RBMS3: variants seen among roughly 807,000 people sequenced by gnomAD.
RBMS3 encodes the protein RNA-binding motif, single-stranded-interacting protein 3.
A neutral mutation model predicts 66.8 loss-of-function variants in RBMS3; 27 were observed. The observed-to-expected ratio is 0.40, with a 90% confidence interval of 0.30 to 0.56. RBMS3 has a LOEUF of 0.56. Ranked by LOEUF, RBMS3 falls within the 20% of genes least tolerant of loss-of-function variation. The pLI is 0.40. For synonymous variants in RBMS3, 188 were observed against 183.0 expected, an observed-to-expected ratio of 1.03 and a Z score of -0.22; for missense variants, 513 against 549.5, an observed-to-expected ratio of 0.93 and a Z score of 0.66.
intron 4 of RBMS3, among the ~76,000 whole-genome samples, chr3:29,690,084 A>G (rs1439671128): frequency 6.6e-6 from 1 of 151,840 alleles, no homozygotes; most frequent in Admixed American, 6.6e-5. Flanking sequence ...TATTAATCAC[A>G]TATCTCACAA....
intron 1 of RBMS3, among the ~76,000 whole-genome samples, chr3:29,346,089 C>T (rs1012653492): frequency 3.9e-5 from 6 of 152,190 alleles, no homozygotes; most frequent in African/African-American, 9.7e-5. Flanking sequence ...CGTGCAGCCA[C>T]GTTCAAGAAA....
chr3:29,656,799 C>A lies in RBMS3; in HGVS notation c.399+69594C>A, dbSNP rs892850275. Among the ~76,000 whole-genome samples the A allele has an allele frequency of 1.5e-4, 23 of 152,170 alleles. 1 individual carries two copies. The highest frequency in any genetic ancestry group is 2.6e-4 in the Non-Finnish European group (18 of 68,036). ...TCTTTTTAATCACTGGACTCTCCCT[C>A]TCTCTCGTACATTAGTTAGGGTAGA... is the stretch of plus-strand genomic sequence containing the variant. On this transcript the variant is annotated intron_variant, in intron 4 of 14. Transcript: ENST00000383767.
intron 6 of RBMS3, among the ~76,000 whole-genome samples, chr3:29,857,009 T>TTTTTC: frequency 6.6e-6 from 1 of 152,152 alleles, no homozygotes; most frequent in East Asian, 1.9e-4. Flanking sequence ...AAAAATACCA[T>TTTTTC]CTCAGGTCAT....
At chr3:29,912,614 C>T (rs909014913) in intron 10 of RBMS3, among the ~76,000 whole-genome samples, 1 of 152,046 alleles carries the variant, frequency 6.6e-6, no homozygotes, top group Non-Finnish European at 1.5e-5. Flanking sequence ...TAGAGAGAAA[C>T]ATTTTCTTGT....
intron 6 of RBMS3, among the ~76,000 whole-genome samples, chr3:29,793,081 T>C (rs1028502750): frequency 1.3e-5 from 2 of 151,846 alleles, no homozygotes; most frequent in South Asian, 4.2e-4. Flanking sequence ...CTACTAAAAA[T>C]ACAAAAAATT....
chr3:29,603,813 G>C (rs1044749340), intron 4 of RBMS3, among the ~76,000 whole-genome samples: 1 of 151,864 alleles, frequency 6.6e-6, no homozygotes, highest in Admixed American at 6.6e-5. Context: ...CATTCAACTG[G>C]CCACTATGTT....
At chr3:29,607,175 GATT>G (rs1346367153) in intron 4 of RBMS3, among the ~76,000 whole-genome samples, 1 of 151,874 alleles carries the variant, frequency 6.6e-6, no homozygotes, top group African/African-American at 2.4e-5. Context: ...AGATATTTAT[GATT>G]ATTGAGATTT....
intron 12 of RBMS3, among the ~76,000 whole-genome samples, chr3:29,971,719 G>T (rs1432922241): frequency 6.6e-6 from 1 of 152,052 alleles, no homozygotes; most frequent in Non-Finnish European, 1.5e-5. Flanking sequence ...TAGTTTACCT[G>T]GTTTGACTGC....
At chr3:29,619,494 A>AG in intron 4 of RBMS3, among the ~76,000 whole-genome samples, 1 of 152,114 alleles carries the variant, frequency 6.6e-6, no homozygotes. Flanking sequence ...ATAGGCATGT[A>AG]GTTGGGAGAT....
At chr3:29,479,474 GA>G (rs2043059424) in intron 2 of RBMS3, among the ~76,000 whole-genome samples, 1 of 151,880 alleles carries the variant, frequency 6.6e-6, no homozygotes, top group Non-Finnish European at 1.5e-5. Flanking sequence ...TCTTTAAAAT[GA>G]AGGTCTCATT....
intron 5 of RBMS3, among the ~76,000 whole-genome samples, chr3:29,745,556 C>T (rs3773106): frequency 0.41 from 61,690 of 151,632 alleles, 13,189 homozygotes; most frequent in South Asian, 0.55. Flanking sequence ...TTATGAGAGG[C>T]CAGTAAAGAA....
At chr3:29,777,347 C>G (rs974184862) in intron 6 of RBMS3, among the ~76,000 whole-genome samples, 1 of 151,884 alleles carries the variant, frequency 6.6e-6, no homozygotes, top group Admixed American at 6.6e-5. Flanking sequence ...CAATACCTAC[C>G]ATTTGAACAT....
At chr3:29,651,495 T>A (rs2050143142) in intron 4 of RBMS3, among the ~76,000 whole-genome samples, 1 of 152,204 alleles carries the variant, frequency 6.6e-6, no homozygotes, top group African/African-American at 2.4e-5. Flanking sequence ...TTGTGGTTTG[T>A]ACATGCATAT....
At chr3:29,992,516 G>T (rs553879345) in intron 14 of RBMS3, among the ~76,000 whole-genome samples, 36 of 152,196 alleles carry the variant, frequency 2.4e-4, no homozygotes, top group African/African-American at 8.4e-4. Context: ...GGAGAATGGC[G>T]TGAACCCGGG....
intron 3 of RBMS3, among the ~76,000 whole-genome samples, chr3:29,500,038 G>T (rs1302948730): frequency 6.6e-6 from 1 of 150,436 alleles, no homozygotes; most frequent in Non-Finnish European, 1.5e-5. Flanking sequence ...ACCAAAAACT[G>T]TAGCTTTTAA....
intron 11 of RBMS3, among the ~76,000 whole-genome samples, chr3:29,939,898 A>T (rs1203963775): frequency 6.6e-6 from 1 of 151,770 alleles, no homozygotes; most frequent in Non-Finnish European, 1.5e-5. Flanking sequence ...AGACATCTCA[A>T]AGTCACCATG....
intron 3 of RBMS3, among the ~76,000 whole-genome samples, chr3:29,504,704 C>A (rs2044115094): frequency 6.6e-6 from 1 of 151,768 alleles, no homozygotes; most frequent in Non-Finnish European, 1.5e-5. Context: ...ATTTACATTC[C>A]CACCAAGAAT....
rs1342064333 is a variant in RBMS3, at chr3:29,281,607, T to A, written c.-75T>A. 1 of 1,244,784 alleles carries A rather than the reference T, an allele frequency of 8.0e-7. No homozygotes were observed. Among genetic ancestry groups the A allele is most frequent in the Admixed American group, 1.7e-5 (1 of 58,352 alleles). 77.1% of individuals were successfully genotyped at this position (1,244,784 alleles called of 1,614,324 possible). ...CACCGGGACTGTCAGGAATAGTGGT[T>A]TAAGAGGAAGCTCGGCCTGGGGCAC... On this transcript the variant is annotated 5_prime_UTR_variant, in exon 1 of 15. Transcript: ENST00000383767.
intron 1 of RBMS3, among the ~76,000 whole-genome samples, chr3:29,373,018 A>G (rs1356875222): frequency 6.6e-6 from 1 of 152,340 alleles, no homozygotes; most frequent in Non-Finnish European, 1.5e-5. Context: ...TAAAACGAGC[A>G]GGAAAAATTC....
Sources: gnomAD v4.1 joint callset for allele counts (sites outside exome capture counted in the v4.1 genomes callset) on GRCh38, gnomAD v4.1.1 for gene constraint, MANE v1.5 for transcripts, NCBI Gene and HGNC (gene_info 2026-07-23, HGNC 2026-07-21) for gene names.